Variants in EMC10 observed in about 807,000 individuals in gnomAD.
EMC10 encodes the protein ER membrane protein complex subunit 10.
Under a neutral mutation model 32.2 loss-of-function variants are expected in EMC10, and 40 were observed. The observed-to-expected ratio is 1.24, with a 90% CI of 0.96 to 1.61. EMC10 has a LOEUF of 1.61. Ranked by LOEUF, EMC10 falls within the 40% of genes most tolerant of loss-of-function variation. The probability of loss-of-function intolerance (pLI) is 0.00; values close to 1 mark genes in which losing one functional copy is unlikely to be tolerated. For synonymous variants in EMC10, 178 were observed against 158.4 expected, an observed-to-expected ratio of 1.12 and a Z score of -0.93; for missense variants, 402 against 357.7, an observed-to-expected ratio of 1.12 and a Z score of -1.00.
intron 6 of EMC10, 97 bp downstream of exon 6, chr19:50,481,074 C>T: frequency 4.4e-6 from 4 of 903,244 alleles, no homozygotes; most frequent in Middle Eastern, 2.3e-4. Context: ...CTATGGTGCT[C>T]GGGCCTGCTC....
At position 50,490,753 on chromosome 19, in the gene EMC10, A is replaced by G. The variant is rs1372978045; in HGVS notation, c.*8494A>G. The stretch of plus-strand genomic sequence containing the variant: ...AGCAGGGAAGGGAAAGACAATGAGC[A>G]AGAGCCAGCGGGACGGTGGGGCGGA... On this transcript the variant is annotated 3_prime_UTR_variant, in exon 7 of 7. Transcript: ENST00000334976. 1 of 152,244 alleles carries G rather than the reference A, an allele frequency of 6.6e-6. No individual in the cohort carries two copies. The highest frequency in any genetic ancestry group is 1.5e-5 in the Non-Finnish European group (1 of 68,060). The allele number at this position is 152,244 out of a possible 1,614,324, so 9.4% of individuals were successfully genotyped here.
In EMC10 at chr19:50,482,216, GT is replaced by G. The variant is rs769652756; in HGVS notation, c.747del (p.Gly251ValfsTer169). 9.0e-7 allele frequency: 1 copy of G among 1,117,172 alleles called. No individual in the cohort carries two copies. The highest frequency in any genetic ancestry group is 1.3e-6 in the Non-Finnish European group (1 of 776,364). 69.2% of individuals were successfully genotyped at this position (1,117,172 alleles called of 1,614,324 possible). ...GGAGCGCCAGACACCGGGGGCCAGG[GT>G]GGGGGTGGGGGTGGGGGTGGTGGTG... ...MSGAPDTGGQ[G>X]GGGGGGGGGG... is the part of the protein sequence containing the mutation. On this transcript the variant is annotated frameshift_variant, in exon 7 of 7. Coordinates refer to ENST00000334976, the MANE Select transcript of EMC10 (RefSeq NM_206538.4). LOFTEE classifies it high-confidence loss of function.
In EMC10 at chr19:50,482,232, G is replaced by GGGT. The variant is rs766938846; in HGVS notation, c.771_773dup (p.Gly259dup). 1.0e-6 allele frequency: 1 copy of GGGT among 967,702 alleles called. No individual in the cohort carries two copies. The highest frequency in any genetic ancestry group is 1.6e-6 in the Non-Finnish European group (1 of 637,568). The allele number at this position is 967,702 out of a possible 1,614,324, so 59.9% of individuals were successfully genotyped here. A position where few individuals can be genotyped will look rare whatever the true frequency, so the allele number is the denominator to read the frequency against. On this transcript the variant is annotated inframe_insertion, in exon 7 of 7. Coordinates refer to ENST00000334976, the MANE Select transcript of EMC10 (RefSeq NM_206538.4). ...GGGGCCAGGGTGGGGGTGGGGGTGG[G>GGGT]GGTGGTGGTGGGGGTAGTGGCCGGT...
In EMC10 at chr19:50,483,875, TTTAA is replaced by T. The variant is rs1438180308; in HGVS notation, c.*1618_*1621del. The T allele has an allele frequency of 2.0e-5, 3 of 151,710 alleles. No individual in the cohort carries two copies. Among genetic ancestry groups the T allele is most frequent in the African/African-American group, 7.3e-5 (3 of 41,316 alleles). 9.4% of individuals were successfully genotyped at this position (151,710 alleles called of 1,614,324 possible). A position where few individuals can be genotyped will look rare whatever the true frequency, so the allele number is the denominator to read the frequency against. ...CCGCGCCTGGCCTATTTTTGGTAAC[TTTAA>T]TAAAGAAGATAGTCTTAGCATTGCT... On this transcript the variant is annotated 3_prime_UTR_variant, in exon 7 of 7. Transcript: ENST00000334976.
intron 2 of EMC10, among the ~76,000 whole-genome samples, 166 bp from the exon 3 acceptor site, chr19:50,478,791 G>A (rs2040270707): frequency 6.6e-6 from 1 of 152,188 alleles, no homozygotes; most frequent in South Asian, 2.1e-4. Flanking sequence ...GGAACATGGT[G>A]GAGGTGTCCC....
chr19:50,489,669 TC>T lies in EMC10; in HGVS notation c.*7411del, dbSNP rs1978539478. On this transcript the variant is annotated 3_prime_UTR_variant, in exon 7 of 7. Coordinates refer to ENST00000334976, the MANE Select transcript of EMC10 (RefSeq NM_206538.4). ...AGGGCGCAGCCACCCCGGGGCCATC[TC>T]TGTGACCCAGGGAGAGAAAGGACAA... 1.3e-5 allele frequency: 2 copies of T among 152,318 alleles called. No individual in the cohort carries two copies. The highest frequency in any genetic ancestry group is 4.8e-5 in the African/African-American group (2 of 41,406). The allele number at this position is 152,318 out of a possible 1,614,324, so 9.4% of individuals were successfully genotyped here.
Position 50,480,028 on chromosome 19 carries a change from C to A in EMC10, c.298-83C>A, listed in dbSNP as rs2122659348. 8.7e-7 allele frequency: 1 copy of A among 1,155,408 alleles called. No individual in the cohort carries two copies. Among genetic ancestry groups the A allele is most frequent in the Non-Finnish European group, 1.2e-6 (1 of 816,428 alleles). The allele number at this position is 1,155,408 out of a possible 1,614,324, so 71.6% of individuals were successfully genotyped here. A position where few individuals can be genotyped will look rare whatever the true frequency, so the allele number is the denominator to read the frequency against. ...GAGGTGGGTGGGGCTGGAGAGGGGCCTTCGCGGAGGCCTGGTGGGCATCAC... is the reference window on the plus strand; with the variant it reads ...GAGGTGGGTGGGGCTGGAGAGGGGCATTCGCGGAGGCCTGGTGGGCATCAC... On this transcript the variant is annotated intron_variant, in intron 3 of 6. Coordinates refer to ENST00000334976, the MANE Select transcript of EMC10 (RefSeq NM_206538.4). This position sits in a 1 kb window ranked among gnomAD's most constrained non-coding sequence, Gnocchi z 4.4.
At position 50,488,991 on chromosome 19, in the gene EMC10, GGGAGAT is replaced by G. The variant is rs998400038; in HGVS notation, c.*6737_*6742del. The G allele has an allele frequency of 6.7e-6, 1 of 149,166 alleles. No individual in the cohort carries two copies. The highest frequency in any genetic ancestry group is 2.5e-5 in the African/African-American group (1 of 39,992). 9.2% of individuals were successfully genotyped at this position (149,166 alleles called of 1,614,324 possible). A position where few individuals can be genotyped will look rare whatever the true frequency, so the allele number is the denominator to read the frequency against. Reference sequence around the variant, plus strand: ...GCACAGACAGCGGACTGGACCGAGAGGGAGATGGAGCGGTGCGGAGGGGGAGAGAGA... The same window carrying G: ...GCACAGACAGCGGACTGGACCGAGAGGGAGCGGTGCGGAGGGGGAGAGAGA... On this transcript the variant is annotated 3_prime_UTR_variant, in exon 7 of 7. Transcript: ENST00000334976.
In EMC10 at chr19:50,480,093, C is replaced by T. The variant is rs765285118; in HGVS notation, c.298-18C>T. On this transcript the variant is annotated intron_variant, in intron 3 of 6. Coordinates refer to ENST00000334976, the MANE Select transcript of EMC10 (RefSeq NM_206538.4). This position sits in a 1 kb window ranked among gnomAD's most constrained non-coding sequence, Gnocchi z 4.4. ...TGACACCATCCTTCTGACCAGCACCCTCTTCTCCCATCCCCAGGATGTGGC... is the reference window on the plus strand; with the variant it reads ...TGACACCATCCTTCTGACCAGCACCTTCTTCTCCCATCCCCAGGATGTGGC... 21 of 1,593,894 alleles carry T rather than the reference C, an allele frequency of 1.3e-5. No individual in the cohort carries two copies. Among genetic ancestry groups the T allele is most frequent in the Non-Finnish European group, 1.8e-5 (21 of 1,169,720 alleles).
intron 1 of EMC10, chr19:50,477,042 G>A (rs1172404330): frequency 5.6e-6 from 1 of 180,086 alleles, no homozygotes; most frequent in African/African-American, 2.4e-5. Context: ...GATTGCTCTA[G>A]GCCAGGAGTT....
Position 50,488,986 on chromosome 19 carries a change from C to T in EMC10, c.*6727C>T, listed in dbSNP as rs1340588127. The stretch of plus-strand genomic sequence containing the variant: ...AGGGGGCACAGACAGCGGACTGGAC[C>T]GAGAGGGAGATGGAGCGGTGCGGAG... On this transcript the variant is annotated 3_prime_UTR_variant, in exon 7 of 7. Transcript: ENST00000334976. The T allele has an allele frequency of 4.6e-5, 5 of 108,946 alleles. No individual in the cohort carries two copies. The East Asian group carries it at 1.6e-3, about 34-fold the overall frequency. The allele number at this position is 108,946 out of a possible 1,614,324, so 6.7% of individuals were successfully genotyped here.
Position 50,486,027 on chromosome 19 carries a change from CTTCCCAGCCTAGGGT to C in EMC10, c.*3772_*3786del, listed in dbSNP as rs1356511623. On this transcript the variant is annotated 3_prime_UTR_variant, in exon 7 of 7. Coordinates refer to ENST00000334976, the MANE Select transcript of EMC10 (RefSeq NM_206538.4). ...TGCGTGGCATTGCGAAAGCCTTCCTCTTCCCAGCCTAGGGTTTCATGTGGGCATTTAGGTGCTCCC... is the reference window on the plus strand; with the variant it reads ...TGCGTGGCATTGCGAAAGCCTTCCTCTTCATGTGGGCATTTAGGTGCTCCC... 6.6e-6 allele frequency: 1 copy of C among 152,198 alleles called. No individual in the cohort carries two copies. The highest frequency in any genetic ancestry group is 6.5e-5 in the Admixed American group (1 of 15,276). 9.4% of individuals were successfully genotyped at this position (152,198 alleles called of 1,614,324 possible). A position where few individuals can be genotyped will look rare whatever the true frequency, so the allele number is the denominator to read the frequency against.
At position 50,484,715 on chromosome 19, in the gene EMC10, C is replaced by A. The variant is rs897207991; in HGVS notation, c.*2456C>A. 6.8e-4 allele frequency: 103 copies of A among 152,234 alleles called. No homozygotes were observed. Among genetic ancestry groups the A allele is most frequent in the Non-Finnish European group, 1.2e-3 (82 of 68,034 alleles). 9.4% of individuals were successfully genotyped at this position (152,234 alleles called of 1,614,324 possible). On this transcript the variant is annotated 3_prime_UTR_variant, in exon 7 of 7. Transcript: ENST00000334976. ...GGCATAGTGATTCATGCTTGTAGTCCCAGCTGTTTGGGAGGCTGAGACAGG... is the reference window on the plus strand; with the variant it reads ...GGCATAGTGATTCATGCTTGTAGTCACAGCTGTTTGGGAGGCTGAGACAGG...
chr19:50,483,249 A>T lies in EMC10; in HGVS notation c.*990A>T. 1 of 397,068 alleles carries T rather than the reference A, an allele frequency of 2.5e-6. No individual in the cohort carries two copies. Among genetic ancestry groups the T allele is most frequent in the Non-Finnish European group, 5.2e-6 (1 of 193,084 alleles). The allele number at this position is 397,068 out of a possible 1,614,324, so 24.6% of individuals were successfully genotyped here. On this transcript the variant is annotated 3_prime_UTR_variant, in exon 7 of 7. Transcript: ENST00000334976. ...AAATTCACTGCTCACTTGATACGTT[A>T]TTCAGAAACCCAAGGAATGGCTGTC...
Position 50,489,155 on chromosome 19 carries a change from A to G in EMC10, c.*6896A>G, listed in dbSNP as rs1157856024. ...ACAGACATTAGGGAAGAAGGAAAGG[A>G]GAAAGGAAAAAATACAAAAAAGGGC... On this transcript the variant is annotated 3_prime_UTR_variant, in exon 7 of 7. Coordinates refer to ENST00000334976, the MANE Select transcript of EMC10 (RefSeq NM_206538.4). The G allele has an allele frequency of 6.6e-6, 1 of 152,388 alleles. No homozygotes were observed. The highest frequency in any genetic ancestry group is 1.5e-5 in the Non-Finnish European group (1 of 68,284). The allele number at this position is 152,388 out of a possible 1,614,324, so 9.4% of individuals were successfully genotyped here.
rs1198076605 is a variant in EMC10 at position 50,482,541 on chromosome 19, A to G, written c.*282A>G. 7.3e-6 allele frequency: 4 copies of G among 548,378 alleles called. No homozygotes were observed. The highest frequency in any genetic ancestry group is 1.3e-5 in the Non-Finnish European group (4 of 312,092). The allele number at this position is 548,378 out of a possible 1,614,324, so 34.0% of individuals were successfully genotyped here. ...CCCTGCCCATGGAGTAGAGCCCGAG[A>G]TCCTGGCCACTATGCCAGTTCTGAC... On this transcript the variant is annotated 3_prime_UTR_variant, in exon 7 of 7. Transcript: ENST00000334976.
In EMC10 at chr19:50,480,088, G is replaced by A. The variant is rs374388985; in HGVS notation, c.298-23G>A. 6.3e-4 allele frequency: 993 copies of A among 1,582,854 alleles called. 12 individuals are homozygous for A. The highest frequency in any genetic ancestry group is 2.5e-4 in the Admixed American group (14 of 55,162). ...AGGGCTGACACCATCCTTCTGACCA[G>A]CACCCTCTTCTCCCATCCCCAGGAT... On this transcript the variant is annotated intron_variant, in intron 3 of 6. Coordinates refer to ENST00000334976, the MANE Select transcript of EMC10 (RefSeq NM_206538.4). This position sits in a 1 kb window ranked among gnomAD's most constrained non-coding sequence, Gnocchi z 4.4.
At position 50,489,344 on chromosome 19, in the gene EMC10, A is replaced by G. The variant is rs930941008; in HGVS notation, c.*7085A>G. On this transcript the variant is annotated 3_prime_UTR_variant, in exon 7 of 7. Coordinates refer to ENST00000334976, the MANE Select transcript of EMC10 (RefSeq NM_206538.4). ...AAAGCAGAAAGGAAAGAAGAGGTGC[A>G]TGAGTGTGGAAGAGCAATATGGAGA... 5 of 152,398 alleles carry G rather than the reference A, an allele frequency of 3.3e-5. No individual in the cohort carries two copies. Among genetic ancestry groups the G allele is most frequent in the African/African-American group, 7.2e-5 (3 of 41,430 alleles). The allele number at this position is 152,398 out of a possible 1,614,324, so 9.4% of individuals were successfully genotyped here.
rs2040341778 is a variant in EMC10, at chr19:50,482,655, C to T, written c.*396C>T. The T allele has an allele frequency of 2.1e-6, 1 of 484,268 alleles. No homozygotes were observed. The highest frequency in any genetic ancestry group is 3.6e-6 in the Non-Finnish European group (1 of 276,070). The allele number at this position is 484,268 out of a possible 1,614,324, so 30.0% of individuals were successfully genotyped here. On this transcript the variant is annotated 3_prime_UTR_variant, in exon 7 of 7. Coordinates refer to ENST00000334976, the MANE Select transcript of EMC10 (RefSeq NM_206538.4). ...TGCCTTTGTTCCAGGTGGTCTCACC[C>T]TCCTGTCCCTGGCTGGGCTAGGTGG...
Sources: allele counts gnomAD v4.1 joint callset (sites outside exome capture counted in the v4.1 genomes callset), GRCh38; gene constraint gnomAD v4.1.1; non-coding constraint Gnocchi (gnomAD v3.1); transcripts MANE v1.5; gene names NCBI Gene and HGNC (gene_info 2026-07-23, HGNC 2026-07-21).